CDH12: variants seen among roughly 807,000 people sequenced by gnomAD.
CDH12 encodes cadherin 12.
CDH12 carries 41 observed loss-of-function variants against 74.1 expected under a neutral mutation model. That is an observed-to-expected ratio of 0.55 (90% CI 0.43 to 0.72). CDH12 has a LOEUF of 0.72. Among genes scored for constraint, CDH12 ranks in the 30% least tolerant of loss-of-function variants. The probability of loss-of-function intolerance (pLI) is 0.00; values close to 1 mark genes in which losing one functional copy is unlikely to be tolerated. For missense variants in CDH12, 945 were observed against 977.2 expected (o/e 0.97, Z 0.44); for synonymous variants, 399 against 355.0 (o/e 1.12, Z -1.39).
chr5:21,791,630 G>A (rs964149260), intron 10 of CDH12, among the ~76,000 whole-genome samples: 13 of 151,166 alleles, frequency 8.6e-5, no homozygotes, highest in African/African-American at 2.4e-5. Flanking sequence ...ATTATAATCT[G>A]TATATAATAA....
chr5:21,985,702 G>A (rs1440481595), intron 5 of CDH12, among the ~76,000 whole-genome samples: 3 of 152,024 alleles, frequency 2.0e-5, no homozygotes, highest in Non-Finnish European at 2.9e-5. Context: ...GATTCTTCCT[G>A]GTAAACTTAT....
intron 1 of CDH12, among the ~76,000 whole-genome samples, chr5:22,831,216 G>A (rs1441105888): frequency 6.6e-6 from 1 of 151,922 alleles, no homozygotes; most frequent in African/African-American, 2.4e-5. Flanking sequence ...TGGAGGATGA[G>A]GAGAACTCAA....
At chr5:21,857,133 A>G (rs1296246444) in intron 6 of CDH12, among the ~76,000 whole-genome samples, 1 of 151,806 alleles carries the variant, frequency 6.6e-6, no homozygotes, top group African/African-American at 2.4e-5. Context: ...TACCTTTTTC[A>G]GTGCTTGGAT....
intron 5 of CDH12, among the ~76,000 whole-genome samples, chr5:22,054,203 T>A (rs558589043): frequency 4.6e-5 from 7 of 152,128 alleles, no homozygotes; most frequent in African/African-American, 1.4e-4. Context: ...TTCAAGAAAC[T>A]TTTTTAGAAA....
chr5:21,863,818 C>A (rs551196389), intron 6 of CDH12, among the ~76,000 whole-genome samples: 1 of 152,196 alleles, frequency 6.6e-6, no homozygotes, highest in South Asian at 2.1e-4. Flanking sequence ...ATGTAAATTT[C>A]TTTGCAGAAT....
At chr5:21,944,394 G>A (rs1755475351) in intron 6 of CDH12, among the ~76,000 whole-genome samples, 1 of 152,106 alleles carries the variant, frequency 6.6e-6, no homozygotes, top group South Asian at 2.1e-4. Context: ...TTACATACTG[G>A]TACTATATGT....
intron 8 of CDH12, among the ~76,000 whole-genome samples, chr5:21,832,461 A>T (rs1180364020): frequency 6.6e-6 from 1 of 151,968 alleles, no homozygotes; most frequent in African/African-American, 2.4e-5. Context: ...CTGAGCTTGC[A>T]TTCAAATTGT....
intron 1 of CDH12, among the ~76,000 whole-genome samples, chr5:22,552,323 T>C (rs568733034): frequency 6.6e-6 from 1 of 152,176 alleles, no homozygotes; most frequent in South Asian, 2.1e-4. Flanking sequence ...CATCATGCCT[T>C]AAATTTCTAA....
At chr5:22,098,743 C>A (rs562079947) in intron 4 of CDH12, among the ~76,000 whole-genome samples, 1 of 152,090 alleles carries the variant, frequency 6.6e-6, no homozygotes, top group Admixed American at 6.5e-5. Flanking sequence ...TGACTGTATC[C>A]CTCTGATCCA....
At chr5:21,945,824 G>A (rs943558954) in intron 6 of CDH12, among the ~76,000 whole-genome samples, 1 of 151,762 alleles carries the variant, frequency 6.6e-6, no homozygotes, top group Non-Finnish European at 1.5e-5. Flanking sequence ...ATAATCACAG[G>A]GGATATAGAA....
chr5:22,244,189 T>A (rs1287921796), intron 3 of CDH12, among the ~76,000 whole-genome samples: 1 of 151,960 alleles, frequency 6.6e-6, no homozygotes, highest in Non-Finnish European at 1.5e-5. Flanking sequence ...TAACAAACCA[T>A]AGAAAATAAT....
chr5:22,610,683 T>C (rs1160495217), intron 1 of CDH12, among the ~76,000 whole-genome samples: 2 of 152,098 alleles, frequency 1.3e-5, no homozygotes, highest in African/African-American at 4.8e-5. Flanking sequence ...CTTAATCTTC[T>C]ATTTTAATAT....
At chr5:22,691,383 G>A (rs269008) in intron 1 of CDH12, among the ~76,000 whole-genome samples, 89,898 of 151,908 alleles carry the variant, frequency 0.59, 26,818 homozygotes, top group African/African-American at 0.61. Context: ...AAGTTGCTCC[G>A]CAGCTGGAGA....
rs575726884 is a variant in CDH12, at chr5:22,080,710, A to T, written c.-186-1848T>A. Among the ~76,000 whole-genome samples, 304 of 152,284 alleles carry T rather than the reference A, an allele frequency of 2.0e-3. 4 individuals carry two copies. Among genetic ancestry groups the T allele is most frequent in the African/African-American group, 6.7e-3 (279 of 41,580 alleles). ...AAGGTATCTTTTTTTTTATCACTTG[A>T]CATGATATTTTGGATATGTTAGGAT... On this transcript the variant is annotated intron_variant, in intron 4 of 14. Transcript: ENST00000382254.
At chr5:21,972,117 G>A (rs576596347) in intron 6 of CDH12, among the ~76,000 whole-genome samples, 3 of 152,020 alleles carry the variant, frequency 2.0e-5, no homozygotes, top group African/African-American at 4.8e-5. Context: ...TTCATTGCAG[G>A]TTTATTTGTT....
At chr5:22,568,083 C>CT (rs1011922840) in intron 1 of CDH12, among the ~76,000 whole-genome samples, 5 of 152,124 alleles carry the variant, frequency 3.3e-5, no homozygotes, top group African/African-American at 1.2e-4. Context: ...AAGACTTTGA[C>CT]TTTTTACTAA....
chr5:21,902,606 G>A (rs1753443302), intron 6 of CDH12, among the ~76,000 whole-genome samples: 1 of 152,108 alleles, frequency 6.6e-6, no homozygotes, highest in Non-Finnish European at 1.5e-5. Flanking sequence ...AGGTAACCCA[G>A]CATTACTTAA....
intron 6 of CDH12, among the ~76,000 whole-genome samples, chr5:21,942,970 G>T (rs189097862): frequency 7.2e-5 from 11 of 152,274 alleles, no homozygotes; most frequent in Admixed American, 6.5e-4. Context: ...GGCCTGGTGG[G>T]AGGTGATTGG....
intron 10 of CDH12, among the ~76,000 whole-genome samples, chr5:21,800,117 T>C (rs758772558): frequency 6.6e-5 from 10 of 152,188 alleles, no homozygotes; most frequent in Admixed American, 2.0e-4. Flanking sequence ...TTCACCATTG[T>C]ATTTTGGAAA....
Sources: allele counts gnomAD v4.1 joint callset (sites outside exome capture counted in the v4.1 genomes callset), GRCh38; gene constraint gnomAD v4.1.1; transcripts MANE v1.5; gene names NCBI Gene and HGNC (gene_info 2026-07-23, HGNC 2026-07-21).